Variants in ANKRD17 observed in about 807,000 individuals in gnomAD.
The protein encoded by ANKRD17 is ankyrin repeat domain-containing protein 17.
In ANKRD17, 19 loss-of-function variants were observed where a neutral mutation model predicts 229.7. The ratio of observed to expected loss-of-function variants is 0.08; its 90% CI spans 0.06 to 0.12. The LOEUF (loss-of-function observed/expected upper bound fraction) is 0.12. Among genes scored for constraint, ANKRD17 ranks in the 10% least tolerant of loss-of-function variants. The probability of loss-of-function intolerance (pLI) is 1.00; values close to 1 mark genes in which losing one functional copy is unlikely to be tolerated. For synonymous variants in ANKRD17, 1,112 were observed against 1,146.1 expected (o/e 0.97, Z 0.60); for missense variants, 2,176 against 3,176.8 (o/e 0.68, Z 7.57).
At chr4:73,221,657 T>C (rs1025904555) in intron 1 of ANKRD17, among the ~76,000 whole-genome samples, 3 of 152,166 alleles carry the variant, frequency 2.0e-5, no homozygotes, top group Non-Finnish European at 4.4e-5. Context: ...TATACTACTA[T>C]TTCTAAGTAG....
At chr4:73,168,644 G>A (rs1242012876) in intron 2 of ANKRD17, among the ~76,000 whole-genome samples, 1 of 152,170 alleles carries the variant, frequency 6.6e-6, no homozygotes, top group African/African-American at 2.4e-5. Flanking sequence ...TAGAAACACG[G>A]AATTAGCAAA....
At chr4:73,139,435 A>T in intron 15 of ANKRD17, 96 bp downstream of exon 15, 1 of 1,410,086 alleles carries the variant, frequency 7.1e-7, no homozygotes, top group Non-Finnish European at 9.6e-7. Flanking sequence ...GTCCAAAAAT[A>T]GTTCTCAAGT....
At chr4:73,186,778 G>C (rs779280774) in intron 1 of ANKRD17, among the ~76,000 whole-genome samples, 3 of 152,124 alleles carry the variant, frequency 2.0e-5, no homozygotes, top group Non-Finnish European at 2.9e-5. Context: ...GAGTTTCTAA[G>C]TGGTTTTTCT....
chr4:73,173,576 T>C (rs1159083177), intron 2 of ANKRD17, among the ~76,000 whole-genome samples: 1 of 152,148 alleles, frequency 6.6e-6, no homozygotes, highest in African/African-American at 2.4e-5. Flanking sequence ...TCACAGATTC[T>C]CTGAAAGAAG....
At chr4:73,160,818 T>TG (rs1341651851) in intron 3 of ANKRD17, among the ~76,000 whole-genome samples, 1 of 152,200 alleles carries the variant, frequency 6.6e-6, no homozygotes, top group Non-Finnish European at 1.5e-5. Flanking sequence ...AACTGTAAAA[T>TG]GGCCTAATTG....
At chr4:73,210,264 A>T (rs1418724844) in intron 1 of ANKRD17, among the ~76,000 whole-genome samples, 1 of 152,072 alleles carries the variant, frequency 6.6e-6, no homozygotes, top group Non-Finnish European at 1.5e-5. Flanking sequence ...ATTTAAGCCC[A>T]CAAATATCCA....
At chr4:73,096,947 AT>A (rs1056263660) in intron 27 of ANKRD17, among the ~76,000 whole-genome samples, 169 bp downstream of exon 27, 1 of 152,142 alleles carries the variant, frequency 6.6e-6, no homozygotes, top group Non-Finnish European at 1.5e-5. Context: ...TTAACACGTA[AT>A]TTTTTTCATC....
At chr4:73,208,766 T>C (rs991971880) in intron 1 of ANKRD17, among the ~76,000 whole-genome samples, 4 of 152,140 alleles carry the variant, frequency 2.6e-5, no homozygotes, top group African/African-American at 7.2e-5. Context: ...GCTAATGCAG[T>C]GCATAGAGGG....
At chr4:73,224,721 C>T (rs1004500499) in intron 1 of ANKRD17, among the ~76,000 whole-genome samples, 14 of 151,762 alleles carry the variant, frequency 9.2e-5, no homozygotes, top group African/African-American at 3.1e-4. Flanking sequence ...TATTATTATC[C>T]CCATTTTACG....
intron 1 of ANKRD17, among the ~76,000 whole-genome samples, chr4:73,188,490 C>T (rs1736596700): frequency 6.6e-6 from 1 of 151,974 alleles, no homozygotes; most frequent in South Asian, 2.1e-4. Flanking sequence ...GAGGCTGAGG[C>T]AGAAGAATTG....
At chr4:73,251,879 G>A (rs1005991827) in intron 1 of ANKRD17, among the ~76,000 whole-genome samples, 17 of 152,220 alleles carry the variant, frequency 1.1e-4, no homozygotes, top group African/African-American at 3.6e-4. Flanking sequence ...GTGAATTTCC[G>A]AGAGTCAAAA....
intron 7 of ANKRD17, 78 bp downstream of exon 7, chr4:73,151,352 G>A: frequency 7.8e-7 from 1 of 1,275,400 alleles, no homozygotes; most frequent in Non-Finnish European, 1.1e-6. Context: ...GCACCCATTG[G>A]AAAGGCATTC....
intron 6 of ANKRD17, among the ~76,000 whole-genome samples, chr4:73,152,577 CAAGCCCCAACCTCAGATCCCCCTTTTGG>C (rs1731139617): frequency 6.6e-6 from 1 of 152,130 alleles, no homozygotes; most frequent in Admixed American, 6.5e-5. Context: ...TTAAAGCCTG[CAAGCCCCAACCTCAGATCCCCCTTTTGG>C]ATAGCAGGGT....
At chr4:73,162,056 C>CT (rs529011465) in intron 2 of ANKRD17, among the ~76,000 whole-genome samples, 278 of 138,172 alleles carry the variant, frequency 2.0e-3, no homozygotes, top group East Asian at 4.0e-3. Context: ...TTCTCTCTCT[C>CT]TTTTTTTTTT....
Position 73,091,901 on chromosome 4 carries a change from G to T in ANKRD17, c.5727C>A (p.Pro1909=). The T allele has an allele frequency of 1.2e-6, 2 of 1,614,186 alleles. No individual in the cohort carries two copies. Among genetic ancestry groups the T allele is most frequent in the Non-Finnish European group, 1.7e-6 (2 of 1,180,046 alleles). The change falls in exon 29 of 34, where the codon CCC becomes CCA. Residue 1909 remains proline, a synonymous_variant. Transcript: ENST00000358602. ...GAAAAGTACCTCCAAAGTGGGTCAT[G>T]GGCAACCTTGGTGGACGGATCTGCT... ...TFQQIRPPRL[P]MTHFGGTFPP...
chr4:73,097,200 A>C lies in ANKRD17; in HGVS notation c.5094T>G (p.Leu1698=), dbSNP rs1723397390. 1.2e-6 allele frequency: 2 copies of C among 1,612,748 alleles called. No individual in the cohort carries two copies. Among genetic ancestry groups the C allele is most frequent in the African/African-American group, 2.7e-5 (2 of 74,858 alleles). Residue 1698 remains leucine (L), a synonymous_variant, in exon 27 of 34, where the codon CTT becomes CTG. Coordinates refer to ENST00000358602, the MANE Select transcript of ANKRD17 (RefSeq NM_032217.5). ...STCTKSGPSP[L]SSPNGKLTVA... ...CTGTTAACTTCCCATTTGGAGAAGA[A>C]AGGGGAGATGGACCAGATTTTGTAC...
At chr4:73,218,727 CAAA>C (rs1397610719) in intron 1 of ANKRD17, among the ~76,000 whole-genome samples, 2 of 151,388 alleles carry the variant, frequency 1.3e-5, no homozygotes, top group African/African-American at 4.9e-5. Context: ...CTCTGTGAGA[CAAA>C]ATTAGCTGGA....
chr4:73,102,569 G>A, intron 24 of ANKRD17, 22 bp from the exon 25 acceptor site: 2 of 1,580,198 alleles, frequency 1.3e-6, no homozygotes, highest in Non-Finnish European at 1.7e-6. Flanking sequence ...CAATAAAGCA[G>A]AAATATAACG....
rs551979858 is a variant in ANKRD17, at chr4:73,248,625, G to C, written c.393+9651C>G. ...CTAATAATCATAGCTAATAAGATTA[G>C]ATAATAGCTAATAATCACGTGGAAA... is the stretch of plus-strand genomic sequence containing the variant. On this transcript the variant is annotated intron_variant, in intron 1 of 33. Coordinates refer to ENST00000358602, the MANE Select transcript of ANKRD17 (RefSeq NM_032217.5). 1.4e-3 allele frequency among the ~76,000 whole-genome samples: 209 copies of C among 152,080 alleles called. 1 individual carries two copies. The highest frequency in any genetic ancestry group is 4.7e-3 in the African/African-American group (195 of 41,542).
Sources: allele counts gnomAD v4.1 joint callset (sites outside exome capture counted in the v4.1 genomes callset), GRCh38; gene constraint gnomAD v4.1.1; transcripts MANE v1.5; gene names NCBI Gene and HGNC (gene_info 2026-07-23, HGNC 2026-07-21).